PURG: variants seen among roughly 807,000 people sequenced by gnomAD.
The protein encoded by PURG is purine-rich element-binding protein gamma.
PURG carries 3 observed loss-of-function variants against 24.3 expected under a neutral mutation model. The observed-to-expected ratio is 0.12, with a 90% CI of 0.06 to 0.32. The LOEUF is 0.32. Ranked by LOEUF, PURG falls within the 10% of genes least tolerant of loss-of-function variation. The pLI is 1.00. For missense variants in PURG, 371 were observed against 439.1 expected (o/e 0.84, Z 1.39); for synonymous variants, 180 against 173.1 (o/e 1.04, Z -0.31).
intron 1 of PURG, among the ~76,000 whole-genome samples, chr8:31,023,811 G>A (rs1285380506): frequency 3.9e-5 from 6 of 152,118 alleles, no homozygotes; most frequent in African/African-American, 1.4e-4. Context: ...TATTGGACAG[G>A]ATCAACAAAA....
At chr8:31,013,235 T>TA (rs1225740989) in intron 1 of PURG, among the ~76,000 whole-genome samples, 1 of 152,186 alleles carries the variant, frequency 6.6e-6, no homozygotes, top group Non-Finnish European at 1.5e-5. Flanking sequence ...CCAAATCACA[T>TA]AGTTACCTAG....
chr8:31,000,155 T>C (rs1810510026), intron 1 of PURG, among the ~76,000 whole-genome samples: 2 of 152,108 alleles, frequency 1.3e-5, no homozygotes, highest in African/African-American at 2.4e-5. Flanking sequence ...AAAAATATGA[T>C]GCATGGGTTA....
chr8:31,013,222 A>AGT, intron 1 of PURG, among the ~76,000 whole-genome samples: 1 of 152,358 alleles, frequency 6.6e-6, no homozygotes, highest in Non-Finnish European at 1.5e-5. Flanking sequence ...GGTGATCAAC[A>AGT]AACCAAATCA....
At chr8:31,023,700 T>C (rs553573452) in intron 1 of PURG, among the ~76,000 whole-genome samples, 3 of 152,210 alleles carry the variant, frequency 2.0e-5, no homozygotes, top group Non-Finnish European at 4.4e-5. Flanking sequence ...AATCTTTGCA[T>C]ACCCTAGTAG....
chr8:31,031,821 A>G lies in PURG; in HGVS notation c.962T>C (p.Met321Thr). 6.4e-7 allele frequency: 1 copy of G among 1,569,336 alleles called. No individual in the cohort carries two copies. The highest frequency in any genetic ancestry group is 8.7e-7 in the Non-Finnish European group (1 of 1,156,016). The change falls in exon 2 of 2, where the codon ATG becomes ACG. Residue 321 changes from methionine (M) to threonine (T), a missense_variant. Met to Thr is a moderately conservative substitution (Grantham distance 81, BLOSUM62 -1). Transcript: ENST00000523392. ...TTTATGGCTGTTGCAAATTTTCCTC[A>G]TCTCTTCTTCATACTTGATAAAATT... Reference protein sequence around the residue: ...GENFIKYEEEMRKICNSHKEK... With the variant: ...GENFIKYEEETRKICNSHKEK...
chr8:31,022,338 A>G (rs1193547453), intron 1 of PURG, among the ~76,000 whole-genome samples: 4 of 152,232 alleles, frequency 2.6e-5, no homozygotes, highest in Non-Finnish European at 4.4e-5. Flanking sequence ...TGCACTGTGT[A>G]TTGAAAAGCT....
Position 30,998,716 on chromosome 8 carries a change from A to T in PURG, c.865-2019T>A, listed in dbSNP as rs1195881947. 2.0e-5 allele frequency among the ~76,000 whole-genome samples: 3 copies of T among 151,864 alleles called. No individual in the cohort carries two copies. The East Asian group carries it at 5.8e-4, about 29-fold the overall frequency. ...CACTCATGTTGCTTCTGAACAATAT[A>T]GTTTATGGCGTAATATACAGCAGCC... On this transcript the variant is annotated intron_variant, in intron 1 of 1. Coordinates refer to the PURG transcript ENST00000339382.
chr8:30,999,543 G>T (rs1810495310), intron 1 of PURG, among the ~76,000 whole-genome samples: 2 of 151,878 alleles, frequency 1.3e-5, no homozygotes, highest in South Asian at 4.2e-4. Context: ...CTTAAAATTG[G>T]GTTTGATTTT....
intron 1 of PURG, among the ~76,000 whole-genome samples, chr8:31,009,311 A>T (rs944746699): frequency 1.3e-5 from 2 of 152,164 alleles, no homozygotes; most frequent in African/African-American, 4.8e-5. Context: ...CTGTAGTCCC[A>T]GCTACTCGGG....
intron 1 of PURG, among the ~76,000 whole-genome samples, chr8:31,017,485 T>C (rs1810897328): frequency 6.6e-6 from 1 of 152,094 alleles, no homozygotes; most frequent in South Asian, 2.1e-4. Flanking sequence ...AAAATTTGCT[T>C]AGCCAAATAT....
At chr8:31,003,400 C>T (rs201930147) in intron 1 of PURG, among the ~76,000 whole-genome samples, 3 of 139,544 alleles carry the variant, frequency 2.1e-5, no homozygotes, top group East Asian at 4.4e-4. Context: ...TTTTTTTTTT[C>T]CCACTGAAGT....
At chr8:30,996,827 C>T in intron 1 of PURG, 2 of 726,184 alleles carry the variant, frequency 2.8e-6, no homozygotes, top group Non-Finnish European at 4.4e-6. Context: ...AACAAACCCT[C>T]AATTTTTAGT....
chr8:31,012,351 T>C (rs1236522506), intron 1 of PURG, among the ~76,000 whole-genome samples: 2 of 152,214 alleles, frequency 1.3e-5, no homozygotes, highest in African/African-American at 2.4e-5. Context: ...ATATATAATA[T>C]ATCATGATCA....
At chr8:31,018,699 G>A (rs1428287567) in intron 1 of PURG, among the ~76,000 whole-genome samples, 2 of 152,036 alleles carry the variant, frequency 1.3e-5, no homozygotes, top group African/African-American at 2.4e-5. Context: ...TCAGTGTTCT[G>A]GAGTGCTAAT....
intron 1 of PURG, among the ~76,000 whole-genome samples, chr8:31,013,468 C>T (rs1230810452): frequency 1.3e-5 from 2 of 152,124 alleles, no homozygotes; most frequent in Admixed American, 6.5e-5. Flanking sequence ...CCGGGCGCGG[C>T]GGCTCATGCC....
rs1426318275 is a variant in PURG at position 30,996,534 on chromosome 8, CA to C, written c.*58del. On this transcript the variant is annotated 3_prime_UTR_variant, in exon 2 of 2. Coordinates refer to the PURG transcript ENST00000339382. ...GAGGCCTTACATTCATGATGAACTT[CA>C]GTTCATTTCTTTCACCGAATGCCTT... 9 of 1,291,416 alleles carry C rather than the reference CA, an allele frequency of 7.0e-6. No homozygotes were observed. The Admixed American group carries it at 7.6e-5, about 11-fold the overall frequency. The allele number at this position is 1,291,416 out of a possible 1,614,324, so 80.0% of individuals were successfully genotyped here. A position where few individuals can be genotyped will look rare whatever the true frequency, so the allele number is the denominator to read the frequency against.
At position 31,031,660 on chromosome 8, in the gene PURG, A is replaced by C. The variant is rs1429638272; in HGVS notation, c.*79T>G. On this transcript the variant is annotated 3_prime_UTR_variant, in exon 2 of 2. Transcript: ENST00000523392. ...AACAACGGGCCAAAAAAGAGGAAAA[A>C]CTTCTTCAAAGGATAATGGATCAGT... 13 of 1,380,326 alleles carry C rather than the reference A, an allele frequency of 9.4e-6. No homozygotes were observed. Among genetic ancestry groups the C allele is most frequent in the Non-Finnish European group, 1.2e-5 (12 of 1,037,970 alleles). The allele number at this position is 1,380,326 out of a possible 1,614,324, so 85.5% of individuals were successfully genotyped here. A position where few individuals can be genotyped will look rare whatever the true frequency, so the allele number is the denominator to read the frequency against.
chr8:31,010,044 C>A (rs1456551549), intron 1 of PURG, among the ~76,000 whole-genome samples: 3 of 151,932 alleles, frequency 2.0e-5, no homozygotes, highest in Non-Finnish European at 4.4e-5. Flanking sequence ...CTGCAGTGAG[C>A]CGTCACTGCA....
intron 1 of PURG, among the ~76,000 whole-genome samples, chr8:31,017,022 T>C (rs539219647): frequency 1.3e-5 from 2 of 152,308 alleles, no homozygotes; most frequent in South Asian, 2.1e-4. Context: ...ATAATCTCTT[T>C]CACATATTAG....
Sources: allele counts gnomAD v4.1 joint callset (sites outside exome capture counted in the v4.1 genomes callset), GRCh38; gene constraint gnomAD v4.1.1; transcripts MANE v1.5; gene names NCBI Gene and HGNC (gene_info 2026-07-23, HGNC 2026-07-21).